Variants in UBAC2 observed in about 807,000 individuals in gnomAD.
The protein encoded by UBAC2 is UBA domain containing 2, also known as ubiquitin-associated domain-containing protein 2.
In UBAC2, 26 loss-of-function variants were observed where a neutral mutation model predicts 44.0. That is an observed-to-expected ratio of 0.59 (90% CI 0.43 to 0.82). The LOEUF (loss-of-function observed/expected upper bound fraction) is 0.82, where lower values mean the gene tolerates loss of function less well. Ranked by LOEUF, UBAC2 falls within the 40% of genes least tolerant of loss-of-function variation. The probability of loss-of-function intolerance (pLI) is 0.00; values close to 1 mark genes in which losing one functional copy is unlikely to be tolerated. For synonymous variants in UBAC2, 155 were observed against 154.3 expected, an observed-to-expected ratio of 1.00 and a Z score of -0.04; for missense variants, 329 against 419.4, an observed-to-expected ratio of 0.78 and a Z score of 1.88.
chr13:99,288,835 T>C (rs183487637), intron 4 of UBAC2, among the ~76,000 whole-genome samples: 26 of 152,336 alleles, frequency 1.7e-4, no homozygotes, highest in Non-Finnish European at 2.6e-4. Flanking sequence ...TCATATAATC[T>C]CCTCAGCTAA....
intron 4 of UBAC2, chr13:99,307,401 A>C (rs1034569814): frequency 2.0e-5 from 3 of 152,120 alleles, no homozygotes; most frequent in African/African-American, 7.2e-5. Flanking sequence ...AACTGAAGTA[A>C]GTTTTAACTG....
intron 2 of UBAC2, among the ~76,000 whole-genome samples, chr13:99,242,811 G>A (rs1242696813): frequency 5.7e-5 from 8 of 141,218 alleles, no homozygotes; most frequent in African/African-American, 1.6e-4. Flanking sequence ...GCTGCCGGGC[G>A]GAGGGGCTCC....
intron 1 of UBAC2, among the ~76,000 whole-genome samples, chr13:99,228,754 C>T (rs577403641): frequency 1.1e-4 from 17 of 152,224 alleles, no homozygotes; most frequent in Middle Eastern, 3.4e-3. Context: ...TTTTGAATTA[C>T]GAGGCAATGA....
At chr13:99,375,966 G>C (rs1009032702) in intron 8 of UBAC2, among the ~76,000 whole-genome samples, 1 of 127,678 alleles carries the variant, frequency 7.8e-6, no homozygotes, top group African/African-American at 3.0e-5. Flanking sequence ...ACCAAGCCCA[G>C]CTAATTTTTT....
At chr13:99,203,023 T>TTTTTTTTATTTA (rs1555317916) in intron 1 of UBAC2, among the ~76,000 whole-genome samples, 9 of 146,522 alleles carry the variant, frequency 6.1e-5, no homozygotes, top group East Asian at 2.0e-4. Flanking sequence ...CTTTGTTTTA[T>TTTTTTTTATTTA]TTTATTTATT....
intron 1 of UBAC2, among the ~76,000 whole-genome samples, chr13:99,237,580 C>G (rs1039202216): frequency 1.3e-5 from 2 of 152,182 alleles, no homozygotes; most frequent in Non-Finnish European, 2.9e-5. Flanking sequence ...AGGAGCGTGT[C>G]TGTAGTTGAC....
At chr13:99,218,544 T>C (rs968878550) in intron 1 of UBAC2, among the ~76,000 whole-genome samples, 1 of 152,070 alleles carries the variant, frequency 6.6e-6, no homozygotes, top group African/African-American at 2.4e-5. Flanking sequence ...CTGCTTATTT[T>C]CCTGATAAAC....
intron 1 of UBAC2, among the ~76,000 whole-genome samples, chr13:99,237,903 C>T (rs2043257414): frequency 6.6e-6 from 1 of 152,064 alleles, no homozygotes; most frequent in Non-Finnish European, 1.5e-5. Flanking sequence ...TGCAGTGAGC[C>T]GAGATTGCGC....
At chr13:99,333,777 G>C (rs1159782603) in intron 6 of UBAC2, among the ~76,000 whole-genome samples, 1 of 152,056 alleles carries the variant, frequency 6.6e-6, no homozygotes, top group Non-Finnish European at 1.5e-5. Flanking sequence ...TGTCATTGTG[G>C]GGGCAGGGAA....
At chr13:99,266,179 A>G (rs2043741407) in intron 4 of UBAC2, among the ~76,000 whole-genome samples, 1 of 151,672 alleles carries the variant, frequency 6.6e-6, no homozygotes, top group Non-Finnish European at 1.5e-5. Context: ...AAATATTTTA[A>G]TGTTACTTTA....
intron 8 of UBAC2, among the ~76,000 whole-genome samples, chr13:99,384,963 C>T (rs948303149): frequency 2.6e-5 from 4 of 152,236 alleles, no homozygotes; most frequent in Non-Finnish European, 4.4e-5. Flanking sequence ...CCCAGTAGGC[C>T]ACTTTACCCT....
chr13:99,229,487 A>G (rs1007072025), intron 1 of UBAC2, among the ~76,000 whole-genome samples: 2 of 152,230 alleles, frequency 1.3e-5, no homozygotes, highest in Non-Finnish European at 2.9e-5. Context: ...CTGGAGAGGC[A>G]GGAGGCCCAG....
In UBAC2 at chr13:99,347,330, C is replaced by G. The variant is rs866311996; in HGVS notation, c.807+6765C>G. ...TACTATCCCCGGGCGCCCCCCCCCC[C>G]CCCCAGGAAAAAAAAGGCAAGTGAA... is the stretch of plus-strand genomic sequence containing the variant. On this transcript the variant is annotated intron_variant, in intron 7 of 8. Coordinates refer to ENST00000403766, the MANE Select transcript of UBAC2 (RefSeq NM_001144072.2). 3.7e-4 allele frequency among the ~76,000 whole-genome samples: 31 copies of G among 84,920 alleles called. 3 individuals carry two copies. The highest frequency in any genetic ancestry group is 1.1e-3 in the East Asian group (3 of 2,732). 55.7% of individuals were successfully genotyped at this position (84,920 alleles called of 152,430 possible).
At chr13:99,304,109 C>T (rs988534950) in intron 4 of UBAC2, among the ~76,000 whole-genome samples, 33 of 152,194 alleles carry the variant, frequency 2.2e-4, no homozygotes, top group African/African-American at 6.0e-4. Flanking sequence ...CACACAAGTT[C>T]CCTCATGATC....
rs369611878 is a variant in UBAC2, at chr13:99,276,531, G to A, written c.389+31907G>A. On this transcript the variant is annotated intron_variant, in intron 4 of 8. Transcript: ENST00000403766. ...GTGGGTGAGAGTGCACGGAGCTCTC[G>A]TGCCTTCTGTGGGCACCCCACCCTC... Among the ~76,000 whole-genome samples the A allele has an allele frequency of 1.4e-3, 209 of 152,344 alleles. 2 individuals are homozygous for A. The highest frequency in any genetic ancestry group is 4.9e-3 in the African/African-American group (204 of 41,590).
At chr13:99,348,862 A>G (rs1377992009) in intron 7 of UBAC2, among the ~76,000 whole-genome samples, 1 of 152,202 alleles carries the variant, frequency 6.6e-6, no homozygotes, top group Non-Finnish European at 1.5e-5. Context: ...AAATTTTTTA[A>G]ATCAGCTGGG....
At chr13:99,364,676 A>G (rs1447225804) in intron 7 of UBAC2, among the ~76,000 whole-genome samples, 1 of 152,210 alleles carries the variant, frequency 6.6e-6, no homozygotes, top group Non-Finnish European at 1.5e-5. Flanking sequence ...TATGATATAT[A>G]TCCAGAAAAG....
chr13:99,376,738 T>C (rs1390942459), intron 8 of UBAC2, among the ~76,000 whole-genome samples: 1 of 152,152 alleles, frequency 6.6e-6, no homozygotes, highest in Non-Finnish European at 1.5e-5. Flanking sequence ...TCATTTCGAT[T>C]TGGGGGCTAG....
intron 3 of UBAC2, 116 bp downstream of exon 3, chr13:99,244,067 C>T: frequency 1.2e-6 from 1 of 867,832 alleles, no homozygotes; most frequent in Non-Finnish European, 1.7e-6. Flanking sequence ...TTTAATTACA[C>T]TATTCTGTAT....
Sources: allele counts gnomAD v4.1 joint callset (sites outside exome capture counted in the v4.1 genomes callset), GRCh38; gene constraint gnomAD v4.1.1; transcripts MANE v1.5; gene names NCBI Gene and HGNC (gene_info 2026-07-23, HGNC 2026-07-21).